Variants in C17orf113 observed in about 807,000 individuals in gnomAD.
C17orf113 encodes uncharacterized protein C17orf113.
Under a neutral mutation model 11.6 loss-of-function variants are expected in C17orf113, and 5 were observed. That is an observed-to-expected ratio of 0.43 (90% CI 0.23 to 0.91). The LOEUF (loss-of-function observed/expected upper bound fraction) is 0.91. Among genes scored for constraint, C17orf113 ranks in the 40% least tolerant of loss-of-function variants. The probability of loss-of-function intolerance (pLI) is 0.26; values close to 1 mark genes in which losing one functional copy is unlikely to be tolerated. For missense variants in C17orf113, 714 were observed against 841.3 expected (o/e 0.85, Z 1.87); for synonymous variants, 327 against 390.6 (o/e 0.84, Z 1.92).
At position 42,039,926 on chromosome 17, in the gene C17orf113, A is replaced by G. The variant is rs1555655922; in HGVS notation, c.1807T>C (p.Leu603=). Residue 603 remains leucine (L), a synonymous_variant, in exon 3 of 3, where the codon TTG becomes CTG. Coordinates refer to ENST00000587304, the MANE Select transcript of C17orf113 (RefSeq NM_001358661.2). ...GCGCCCGCGGGCAGCGCCAAAGCCA[A>G]GGCGGCTAGGGCGGCGAAGTCGGGG... is the stretch of plus-strand genomic sequence containing the variant. ...LFPDFAALAA[L]ALALPAGAGL... is the part of the protein sequence containing the mutation. 1 of 1,231,112 alleles carries G rather than the reference A, an allele frequency of 8.1e-7. No homozygotes were observed. The highest frequency in any genetic ancestry group is 1.6e-5 in the African/African-American group (1 of 64,388). The allele number at this position is 1,231,112 out of a possible 1,614,324, so 76.3% of individuals were successfully genotyped here. A position where few individuals can be genotyped will look rare whatever the true frequency, so the allele number is the denominator to read the frequency against.
chr17:42,039,493 C>A lies in C17orf113; in HGVS notation c.*212G>T. On this transcript the variant is annotated 3_prime_UTR_variant, in exon 3 of 3. Coordinates refer to ENST00000587304, the MANE Select transcript of C17orf113 (RefSeq NM_001358661.2). ...CCCCAGATCCTAGCATCTCTGCCCA[C>A]CCGCCCAGGCCCCTCTTGAGCCAGT... 2.5e-6 allele frequency: 1 copy of A among 394,206 alleles called. No homozygotes were observed. The highest frequency in any genetic ancestry group is 4.4e-6 in the Non-Finnish European group (1 of 227,448). The allele number at this position is 394,206 out of a possible 1,614,324, so 24.4% of individuals were successfully genotyped here.
At position 42,038,819 on chromosome 17, in the gene C17orf113, T is replaced by C. The variant is rs2052929588; in HGVS notation, c.*886A>G. 2 of 152,226 alleles carry C rather than the reference T, an allele frequency of 1.3e-5. 1 individual carries two copies. The highest frequency in any genetic ancestry group is 4.1e-4 in the South Asian group (2 of 4,830). 9.4% of individuals were successfully genotyped at this position (152,226 alleles called of 1,614,324 possible). A position where few individuals can be genotyped will look rare whatever the true frequency, so the allele number is the denominator to read the frequency against. ...GTGAGGAGGGAAGGAAGGGAACCACTATCTCTCTGGAACCATTGGCCCTTG... is the reference window on the plus strand; with the variant it reads ...GTGAGGAGGGAAGGAAGGGAACCACCATCTCTCTGGAACCATTGGCCCTTG... On this transcript the variant is annotated 3_prime_UTR_variant, in exon 3 of 3. Transcript: ENST00000587304.
chr17:42,046,099 G>T (rs1385821205), intron 1 of C17orf113, among the ~76,000 whole-genome samples: 4 of 152,164 alleles, frequency 2.6e-5, no homozygotes, highest in Non-Finnish European at 5.9e-5. Context: ...CCCACAACCT[G>T]GGCTGGTAGC....
chr17:42,045,311 A>G (rs919122628), intron 1 of C17orf113, among the ~76,000 whole-genome samples: 6 of 152,232 alleles, frequency 3.9e-5, no homozygotes, highest in African/African-American at 1.4e-4. Context: ...TCGGCCTCCC[A>G]AAGTGCTGGG....
rs1248914301 is a variant in C17orf113 at position 42,039,430 on chromosome 17, T to C, written c.*275A>G. On this transcript the variant is annotated 3_prime_UTR_variant, in exon 3 of 3. Transcript: ENST00000587304. ...AGAAGGGAAAAGGGTGAGCTACTCCTCATCTAACTGTGTAAAGGCCAGGAA... is the reference window on the plus strand; with the variant it reads ...AGAAGGGAAAAGGGTGAGCTACTCCCCATCTAACTGTGTAAAGGCCAGGAA... The C allele has an allele frequency of 1.5e-5, 5 of 342,070 alleles. No homozygotes were observed. The highest frequency in any genetic ancestry group is 2.6e-5 in the Non-Finnish European group (5 of 190,642). 21.2% of individuals were successfully genotyped at this position (342,070 alleles called of 1,614,324 possible).
In C17orf113 at chr17:42,038,610, GA is replaced by G. The variant is rs3214150; in HGVS notation, c.*1094del. 6.8e-4 allele frequency: 95 copies of G among 140,570 alleles called. No homozygotes were observed. Among genetic ancestry groups the G allele is most frequent in the Middle Eastern group, 3.7e-3 (1 of 268 alleles). 8.7% of individuals were successfully genotyped at this position (140,570 alleles called of 1,614,324 possible). A position where few individuals can be genotyped will look rare whatever the true frequency, so the allele number is the denominator to read the frequency against. On this transcript the variant is annotated 3_prime_UTR_variant, in exon 3 of 3. Transcript: ENST00000587304. ...CTGGACTTTGAGGAAGAAAATATCA[GA>G]AAAAAAAAAAAATCCAGCCCATCTG...
rs2052986600 is a variant in C17orf113, at chr17:42,040,336, C to A, written c.1397G>T (p.Ser466Ile). ...CACGCCGCGGTAGGTGCAGCGTCCG[C>A]TGCTGGCGTCAGGGTCCATGGATGC... The part of the protein sequence containing the change: ...ELASMDPDAS[S>I]GRCTYRGVEL... The change falls in exon 3 of 3, where the codon AGC becomes ATC. Residue 466 changes from serine (S) to isoleucine (I), a missense_variant. Physicochemically the swap from Ser to Ile is moderately radical, Grantham distance 142 (BLOSUM62 -2). Transcript: ENST00000587304. 8.1e-7 allele frequency: 1 copy of A among 1,231,832 alleles called. No homozygotes were observed. Among genetic ancestry groups the A allele is most frequent in the Admixed American group, 4.2e-5 (1 of 23,728 alleles). The allele number at this position is 1,231,832 out of a possible 1,614,324, so 76.3% of individuals were successfully genotyped here.
chr17:42,046,605 A>G (rs2053166259), intron 1 of C17orf113, among the ~76,000 whole-genome samples: 1 of 152,114 alleles, frequency 6.6e-6, no homozygotes, highest in African/African-American at 2.4e-5. Flanking sequence ...GTCTCAAAAT[A>G]AATAAATAGA....
In C17orf113 at chr17:42,040,027, A is replaced by C. The variant is rs535263309; in HGVS notation, c.1706T>G (p.Phe569Cys). The change falls in exon 3 of 3, where the codon TTC becomes TGC. Residue 569 changes from phenylalanine to cysteine, a missense_variant. Phe to Cys is a radical substitution (Grantham distance 205). Coordinates refer to ENST00000587304, the MANE Select transcript of C17orf113 (RefSeq NM_001358661.2). ...GDFALFKRVV[F>C]GLGRLGPRAL... is the part of the protein sequence containing the mutation. ...CCGCGGGCCGAGCCGCCCAAGGCCG[A>C]ATACTACGCGCTTAAACAGCGCGAA... 3.0e-5 allele frequency: 37 copies of C among 1,231,064 alleles called. No homozygotes were observed. The Admixed American group carries it at 5.1e-4, about 17-fold the overall frequency. 76.3% of individuals were successfully genotyped at this position (1,231,064 alleles called of 1,614,324 possible). A position where few individuals can be genotyped will look rare whatever the true frequency, so the allele number is the denominator to read the frequency against.
In C17orf113 at chr17:42,041,149, C is replaced by G; in HGVS notation, c.584G>C (p.Arg195Pro). 1 of 1,232,322 alleles carries G rather than the reference C, an allele frequency of 8.1e-7. No individual in the cohort carries two copies. Among genetic ancestry groups the G allele is most frequent in the Non-Finnish European group, 1.0e-6 (1 of 988,084 alleles). 76.3% of individuals were successfully genotyped at this position (1,232,322 alleles called of 1,614,324 possible). The change falls in exon 3 of 3, where the codon CGC becomes CCC. Residue 195 changes from arginine (R) to proline (P), a missense_variant. This residue lies in a region of C17orf113 where 516 missense variants were observed against 626.6 expected (regional missense o/e 0.82). Coordinates refer to ENST00000587304, the MANE Select transcript of C17orf113 (RefSeq NM_001358661.2). ...ASVLHTEACQ[R>P]LKASPYVGLV... ...CCCCACATATGGGGATGCCTTCAGG[C>G]GCTGGCAGGCCTCTGTGTGCAAGAC... is the stretch of plus-strand genomic sequence containing the variant.
chr17:42,045,220 T>G (rs2053131292), intron 1 of C17orf113, among the ~76,000 whole-genome samples: 1 of 143,976 alleles, frequency 6.9e-6, no homozygotes, highest in Non-Finnish European at 1.5e-5. Context: ...CCCAGCCAAT[T>G]TTTTATATTT....
At chr17:42,042,140 G>A (rs142722263) in intron 2 of C17orf113, among the ~76,000 whole-genome samples, 32 of 152,238 alleles carry the variant, frequency 2.1e-4, no homozygotes, top group African/African-American at 7.5e-4. Context: ...GCGGGGCCAA[G>A]GCAGGAGGAT....
Position 42,040,987 on chromosome 17 carries a change from G to A in C17orf113, c.746C>T (p.Ala249Val). 1 of 1,232,296 alleles carries A rather than the reference G, an allele frequency of 8.1e-7. No individual in the cohort carries two copies. The highest frequency in any genetic ancestry group is 3.2e-5 in the East Asian group (1 of 31,716). The allele number at this position is 1,232,296 out of a possible 1,614,324, so 76.3% of individuals were successfully genotyped here. The change falls in exon 3 of 3, where the codon GCT (alanine) becomes GTT (valine). Residue 249 changes from alanine (A) to valine (V), a missense_variant. Ala to Val is a moderately conservative substitution (Grantham distance 64). Coordinates refer to ENST00000587304, the MANE Select transcript of C17orf113 (RefSeq NM_001358661.2). ...CTGCAGGATGTCCAAGAGCTGGCCA[G>A]CAGTGGCCTCGCCCTCCTGTAGCTC... ...SVELQEGEATAGQLLDILQAF... is the reference protein window; with the variant it reads ...SVELQEGEATVGQLLDILQAF...
intron 1 of C17orf113, among the ~76,000 whole-genome samples, chr17:42,046,551 G>C (rs1457377674): frequency 6.6e-6 from 1 of 152,082 alleles, no homozygotes; most frequent in African/African-American, 2.4e-5. Flanking sequence ...AGTGAGCTAT[G>C]ATCATGCCAC....
In C17orf113 at chr17:42,038,801, G is replaced by A. The variant is rs2052928841; in HGVS notation, c.*904C>T. The A allele has an allele frequency of 6.6e-6, 1 of 152,238 alleles. No individual in the cohort carries two copies. Among genetic ancestry groups the A allele is most frequent in the South Asian group, 2.1e-4 (1 of 4,836 alleles). 9.4% of individuals were successfully genotyped at this position (152,238 alleles called of 1,614,324 possible). A position where few individuals can be genotyped will look rare whatever the true frequency, so the allele number is the denominator to read the frequency against. On this transcript the variant is annotated 3_prime_UTR_variant, in exon 3 of 3. Transcript: ENST00000587304. The stretch of plus-strand genomic sequence containing the variant: ...GCCTGAGGCTGCCTATTGGTGAGGA[G>A]GGAAGGAAGGGAACCACTATCTCTC...
Position 42,043,094 on chromosome 17 carries a change from G to A in C17orf113, c.283C>T (p.Gln95Ter). 1.6e-6 allele frequency: 2 copies of A among 1,232,240 alleles called. No homozygotes were observed. The allele number at this position is 1,232,240 out of a possible 1,614,324, so 76.3% of individuals were successfully genotyped here. A position where few individuals can be genotyped will look rare whatever the true frequency, so the allele number is the denominator to read the frequency against. Residue 95 changes from glutamine (Q) to a stop codon, truncating the protein, a stop_gained, in exon 2 of 3, where the codon CAG becomes TAG. Coordinates refer to ENST00000587304, the MANE Select transcript of C17orf113 (RefSeq NM_001358661.2). LOFTEE classifies it high-confidence loss of function. ...HRQALAVNQG[Q>*]PPFEGQAEGG... ...TCAGCCTGGCCCTCAAAAGGGGGCTGGCCCTGGTTGACAGCCAGAGCCTGG... is the reference window on the plus strand; with the variant it reads ...TCAGCCTGGCCCTCAAAAGGGGGCTAGCCCTGGTTGACAGCCAGAGCCTGG...
At chr17:42,042,201 A>G (rs575356760) in intron 2 of C17orf113, among the ~76,000 whole-genome samples, 1 of 151,974 alleles carries the variant, frequency 6.6e-6, no homozygotes, top group African/African-American at 2.4e-5. Flanking sequence ...ATGAGACCCC[A>G]TCTCTATGTT....
rs1234294641 is a variant in C17orf113 at position 42,041,056 on chromosome 17, G to A, written c.677C>T (p.Ser226Phe). ...HSLALFATSVSPCDGQPATTF... is the reference protein window; with the variant it reads ...HSLALFATSVFPCDGQPATTF... ...GGTGGCGGGCTGGCCATCACAGGGG[G>A]ACACTGAAGTGGCAAACAGGGCCAG... is the stretch of plus-strand genomic sequence containing the variant. The change falls in exon 3 of 3, where the codon TCC (serine) becomes TTC (phenylalanine). Residue 226 changes from serine to phenylalanine, a missense_variant. Physicochemically the swap from Ser to Phe is radical, Grantham distance 155 (BLOSUM62 -2). Coordinates refer to ENST00000587304, the MANE Select transcript of C17orf113 (RefSeq NM_001358661.2). 1.7e-5 allele frequency: 21 copies of A among 1,232,228 alleles called. No homozygotes were observed. The highest frequency in any genetic ancestry group is 7.1e-6 in the Non-Finnish European group (7 of 988,080). 76.3% of individuals were successfully genotyped at this position (1,232,228 alleles called of 1,614,324 possible).
chr17:42,047,334 G>A (rs1054391822), intron 1 of C17orf113, among the ~76,000 whole-genome samples: 22 of 151,830 alleles, frequency 1.4e-4, no homozygotes, highest in Non-Finnish European at 2.4e-4. Context: ...GCCTGGCCCC[G>A]GCTAATTTTT....
Sources: allele counts gnomAD v4.1 joint callset (sites outside exome capture counted in the v4.1 genomes callset), GRCh38; gene constraint gnomAD v4.1.1; regional missense constraint gnomAD v4.1.1; transcripts MANE v1.5; gene names NCBI Gene and HGNC (gene_info 2026-07-23, HGNC 2026-07-21).